Variants in KIF26B observed in about 807,000 individuals in gnomAD.
KIF26B encodes kinesin family member 26B, also known as kinesin-like protein KIF26B.
In KIF26B, 63 loss-of-function variants were observed where a neutral mutation model predicts 151.2. The ratio of observed to expected loss-of-function variants is 0.42; its 90% CI spans 0.34 to 0.51. The LOEUF (loss-of-function observed/expected upper bound fraction) is 0.51. Among genes scored for constraint, KIF26B ranks in the 20% least tolerant of loss-of-function variants. The probability of loss-of-function intolerance (pLI) is 0.07; values close to 1 mark genes in which losing one functional copy is unlikely to be tolerated. For synonymous variants in KIF26B, 1,357 were observed against 1,262.1 expected, an observed-to-expected ratio of 1.08 and a Z score of -1.59; for missense variants, 2,813 against 2,913.6, an observed-to-expected ratio of 0.97 and a Z score of 0.79.
intron 5 of KIF26B, among the ~76,000 whole-genome samples, chr1:245,562,121 G>A (rs1392143457): frequency 6.6e-6 from 1 of 151,942 alleles, no homozygotes; most frequent in African/African-American, 2.4e-5. Context: ...CCGCGGTGGT[G>A]CTCAGACTTA....
At chr1:245,585,347 A>G (rs2043213346) in intron 5 of KIF26B, among the ~76,000 whole-genome samples, 1 of 152,170 alleles carries the variant, frequency 6.6e-6, no homozygotes, top group Non-Finnish European at 1.5e-5. Context: ...TTAGGTGGCC[A>G]ATTGCCTTAT....
At chr1:245,360,874 T>C (rs911220347) in intron 2 of KIF26B, among the ~76,000 whole-genome samples, 5 of 152,134 alleles carry the variant, frequency 3.3e-5, no homozygotes, top group African/African-American at 1.2e-4. Context: ...ATTAGCCGGG[T>C]GTGGCGGTGA....
At chr1:245,418,713 G>A (rs764977994) in intron 3 of KIF26B, among the ~76,000 whole-genome samples, 15 of 152,066 alleles carry the variant, frequency 9.9e-5, no homozygotes, top group Admixed American at 2.0e-4. Flanking sequence ...TTTTTTGCAA[G>A]TAGACTGAAG....
At chr1:245,701,766 G>A (rs1480058334) in intron 14 of KIF26B, among the ~76,000 whole-genome samples, 1 of 152,156 alleles carries the variant, frequency 6.6e-6, no homozygotes, top group African/African-American at 2.4e-5. Flanking sequence ...AGCTTGTCTC[G>A]TGCCTGGGGT....
chr1:245,460,247 T>G (rs1659618261), intron 4 of KIF26B, among the ~76,000 whole-genome samples: 1 of 152,224 alleles, frequency 6.6e-6, no homozygotes, highest in African/African-American at 2.4e-5. Flanking sequence ...ATTACAGGCG[T>G]GAGCCACCAC....
intron 9 of KIF26B, among the ~76,000 whole-genome samples, chr1:245,629,404 G>C (rs1469413228): frequency 6.6e-6 from 1 of 152,110 alleles, no homozygotes; most frequent in Non-Finnish European, 1.5e-5. Flanking sequence ...CAGACATATA[G>C]ACCAATGGAA....
chr1:245,492,989 C>G (rs1660440272), intron 4 of KIF26B, among the ~76,000 whole-genome samples: 1 of 152,092 alleles, frequency 6.6e-6, no homozygotes, highest in Admixed American at 6.5e-5. Context: ...TCATGTTGGC[C>G]AGGATGGTCT....
chr1:245,672,774 A>G (rs1017868899), intron 10 of KIF26B, among the ~76,000 whole-genome samples: 2 of 152,200 alleles, frequency 1.3e-5, no homozygotes, highest in African/African-American at 4.8e-5. Context: ...ACCTAGTCCT[A>G]TTTAACCTCC....
intron 2 of KIF26B, among the ~76,000 whole-genome samples, chr1:245,260,282 G>T (rs1670609910): frequency 6.6e-6 from 1 of 152,184 alleles, no homozygotes; most frequent in South Asian, 2.1e-4. Flanking sequence ...ACATTCTTGG[G>T]CCTTTCTGTC....
chr1:245,695,811 G>C (rs2044685788), intron 12 of KIF26B, among the ~76,000 whole-genome samples: 1 of 86,072 alleles, frequency 1.2e-5, no homozygotes, highest in Non-Finnish European at 3.5e-5. Flanking sequence ...GGACTCTCCA[G>C]GTGTTTTTAC....
chr1:245,367,318 G>A lies in KIF26B; in HGVS notation c.950G>A (p.Gly317Asp). Reference protein sequence around the residue: ...VAIQAHQYLDGTWSLSRTNGV... With the variant: ...VAIQAHQYLDDTWSLSRTNGV... ...ATCCAGGCTCACCAGTACCTGGATG[G>A]CACCTGGTCCCTGTCGAGAACCAAC... The change falls in exon 3 of 15, where the codon GGC becomes GAC. Residue 317 changes from glycine to aspartate, a missense_variant. Coordinates refer to ENST00000407071, the MANE Select transcript of KIF26B (RefSeq NM_018012.4). This position sits in a 1 kb window ranked among gnomAD's most constrained non-coding sequence, Gnocchi z 4.2. 6.3e-7 allele frequency: 1 copy of A among 1,596,634 alleles called. No homozygotes were observed. The highest frequency in any genetic ancestry group is 8.5e-7 in the Non-Finnish European group (1 of 1,171,758).
intron 2 of KIF26B, among the ~76,000 whole-genome samples, chr1:245,293,830 G>A (rs1573757670): frequency 6.6e-6 from 1 of 152,036 alleles, no homozygotes. Context: ...TGCCCGCCTC[G>A]GCCTCCCAAA....
intron 4 of KIF26B, among the ~76,000 whole-genome samples, chr1:245,513,852 C>A (rs572350943): frequency 2.6e-5 from 4 of 152,328 alleles, no homozygotes; most frequent in African/African-American, 9.6e-5. Flanking sequence ...CTTAGTGTTA[C>A]ATCGGCCCAC....
chr1:245,449,924 G>C (rs1158078243), intron 4 of KIF26B, among the ~76,000 whole-genome samples: 4 of 152,198 alleles, frequency 2.6e-5, no homozygotes, highest in Non-Finnish European at 5.9e-5. Flanking sequence ...TTTGCTAATG[G>C]ATTCATTGCA....
intron 3 of KIF26B, among the ~76,000 whole-genome samples, chr1:245,380,755 G>A (rs1299381200): frequency 6.6e-6 from 1 of 152,024 alleles, no homozygotes; most frequent in Non-Finnish European, 1.5e-5. Flanking sequence ...AGGCCTCCTG[G>A]GGAGGGTTAC....
At chr1:245,397,711 A>G (rs1212542179) in intron 3 of KIF26B, among the ~76,000 whole-genome samples, 1 of 152,222 alleles carries the variant, frequency 6.6e-6, no homozygotes, top group African/African-American at 2.4e-5. Context: ...GGGCTGGATC[A>G]GACAGAGAAA....
At chr1:245,490,306 A>ATTTTTTTTTTTTTTTTTTTTTTTTTT (rs57644744) in intron 4 of KIF26B, among the ~76,000 whole-genome samples, 1 of 83,846 alleles carries the variant, frequency 1.2e-5, no homozygotes. Flanking sequence ...TCTGTAGAAC[A>ATTTTTTTTTTTTTTTTTTTTTTTTTT]TTTTTTTTTT....
At chr1:245,586,906 A>AAC (rs200418382) in intron 5 of KIF26B, among the ~76,000 whole-genome samples, 3,629 of 151,700 alleles carry the variant, frequency 0.024, 170 homozygotes, top group African/African-American at 0.082. Context: ...AAAAAAAAAA[A>AAC]AAACATCAAA....
intron 4 of KIF26B, among the ~76,000 whole-genome samples, chr1:245,504,972 T>A (rs1660703025): frequency 6.6e-6 from 1 of 152,234 alleles, no homozygotes; most frequent in Non-Finnish European, 1.5e-5. Flanking sequence ...AGAGTCTCGC[T>A]CTGTCACCCA....
Sources: gnomAD v4.1 joint callset for allele counts (sites outside exome capture counted in the v4.1 genomes callset) on GRCh38, gnomAD v4.1.1 for gene constraint, Gnocchi (gnomAD v3.1) non-coding constraint, MANE v1.5 for transcripts, NCBI Gene and HGNC (gene_info 2026-07-23, HGNC 2026-07-21) for gene names.